Variants in NRXN1 observed in about 807,000 individuals in gnomAD.
NRXN1 encodes neurexin-1.
NRXN1 carries 39 observed loss-of-function variants against 150.9 expected under a neutral mutation model. The ratio of observed to expected loss-of-function variants is 0.26; its 90% CI spans 0.20 to 0.34. The LOEUF (loss-of-function observed/expected upper bound fraction) is 0.34. NRXN1 is among the 10% of genes least tolerant of loss of function. The pLI, the probability that NRXN1 is intolerant of heterozygous loss-of-function variation, is 1.00. For synonymous variants in NRXN1, 924 were observed against 757.0 expected, an observed-to-expected ratio of 1.22 and a Z score of -3.62; for missense variants, 1,815 against 1,949.9, an observed-to-expected ratio of 0.93 and a Z score of 1.30.
chr2:50,507,469 C>T (rs1328594030), intron 12 of NRXN1, among the ~76,000 whole-genome samples: 1 of 151,726 alleles, frequency 6.6e-6, no homozygotes, highest in African/African-American at 2.4e-5. Context: ...AAGGGATTAC[C>T]AGTGGGCATC....
chr2:50,850,681 A>G (rs1674387865), intron 5 of NRXN1, among the ~76,000 whole-genome samples: 1 of 152,116 alleles, frequency 6.6e-6, no homozygotes, highest in Non-Finnish European at 1.5e-5. Flanking sequence ...GCCATTTATT[A>G]TTTGGTAAGT....
chr2:50,590,975 A>C (rs1674083987), intron 8 of NRXN1, among the ~76,000 whole-genome samples: 1 of 152,106 alleles, frequency 6.6e-6, no homozygotes, highest in South Asian at 2.1e-4. Context: ...TATGTTCCAA[A>C]CACAGTCTCC....
chr2:50,956,030 G>A (rs1053157256), intron 2 of NRXN1, among the ~76,000 whole-genome samples: 2 of 152,124 alleles, frequency 1.3e-5, no homozygotes, highest in African/African-American at 4.8e-5. Context: ...AGATCCTCTT[G>A]AGGTATGATT....
intron 17 of NRXN1, among the ~76,000 whole-genome samples, chr2:50,350,433 T>C (rs2078327468): frequency 2.0e-5 from 3 of 152,236 alleles, no homozygotes; most frequent in Middle Eastern, 3.4e-3. Context: ...GTTTACAGTG[T>C]GAGAGCTGAA....
intron 2 of NRXN1, among the ~76,000 whole-genome samples, chr2:50,960,274 TAAC>T (rs997085883): frequency 6.6e-6 from 1 of 151,758 alleles, no homozygotes; most frequent in Non-Finnish European, 1.5e-5. Flanking sequence ...TCAAAGGACT[TAAC>T]AACTTTTTCC....
intron 21 of NRXN1, among the ~76,000 whole-genome samples, chr2:50,006,119 C>G (rs896371894): frequency 2.0e-5 from 3 of 152,074 alleles, no homozygotes; most frequent in Non-Finnish European, 4.4e-5. Flanking sequence ...CAGCTTGTTC[C>G]CTTTCTCTTT....
intron 5 of NRXN1, among the ~76,000 whole-genome samples, chr2:50,694,436 C>T (rs1692525988): frequency 6.6e-6 from 1 of 152,116 alleles, no homozygotes; most frequent in Non-Finnish European, 1.5e-5. Context: ...CTATAAAAAA[C>T]ATTTGATGTA....
chr2:50,342,537 G>T (rs2152993925), intron 17 of NRXN1, among the ~76,000 whole-genome samples: 1 of 152,210 alleles, frequency 6.6e-6, no homozygotes, highest in African/African-American at 2.4e-5. Context: ...AAGAGTAAAG[G>T]GATTACTCTA....
intron 5 of NRXN1, among the ~76,000 whole-genome samples, chr2:50,808,052 TA>T (rs1356199533): frequency 1.3e-5 from 2 of 152,146 alleles, no homozygotes; most frequent in African/African-American, 4.8e-5. Flanking sequence ...TGTTAACCCT[TA>T]TTGTGCCTTA....
chr2:50,834,588 C>T (rs1671850506), intron 5 of NRXN1, among the ~76,000 whole-genome samples: 2 of 152,222 alleles, frequency 1.3e-5, no homozygotes, highest in Non-Finnish European at 2.9e-5. Context: ...TACGTGATCT[C>T]AGAAAATCTG....
chr2:50,475,518 C>T (rs1341976970), intron 15 of NRXN1, among the ~76,000 whole-genome samples: 3 of 152,114 alleles, frequency 2.0e-5, no homozygotes, highest in African/African-American at 7.2e-5. Context: ...AACTTACTTG[C>T]CTGACAACAT....
intron 22 of NRXN1, among the ~76,000 whole-genome samples, chr2:49,942,614 TTTATTA>T (rs1553398764): frequency 6.7e-6 from 1 of 148,928 alleles, no homozygotes; most frequent in Non-Finnish European, 1.5e-5. Flanking sequence ...TTATTATTAT[TTTATTA>T]TTATTTTGAG....
intron 17 of NRXN1, among the ~76,000 whole-genome samples, chr2:50,324,550 T>C (rs573610337): frequency 8.5e-5 from 13 of 152,304 alleles, no homozygotes; most frequent in African/African-American, 3.1e-4. Context: ...ATTTTATTTG[T>C]TTATTTATTT....
intron 22 of NRXN1, among the ~76,000 whole-genome samples, chr2:49,931,459 T>C (rs746879650): frequency 2.0e-5 from 3 of 152,112 alleles, no homozygotes; most frequent in Non-Finnish European, 4.4e-5. Context: ...GGATGCCTTA[T>C]TTACATCAAC....
At chr2:50,268,646 T>TCA (rs1308771084) in intron 17 of NRXN1, among the ~76,000 whole-genome samples, 1 of 152,182 alleles carries the variant, frequency 6.6e-6, no homozygotes, top group Non-Finnish European at 1.5e-5. Context: ...ATAGCACACA[T>TCA]CACCCAGACA....
chr2:50,418,696 G>A (rs879749878), intron 17 of NRXN1, among the ~76,000 whole-genome samples: 1 of 151,920 alleles, frequency 6.6e-6, no homozygotes, highest in East Asian at 1.9e-4. Context: ...GGGATCAAGG[G>A]AAATACAAAA....
chr2:49,936,359 G>C (rs958462473), intron 22 of NRXN1, among the ~76,000 whole-genome samples: 1 of 152,094 alleles, frequency 6.6e-6, no homozygotes, highest in Non-Finnish European at 1.5e-5. Flanking sequence ...GCAGAATAAT[G>C]CCTCCATTGG....
intron 2 of NRXN1, among the ~76,000 whole-genome samples, chr2:50,944,849 T>C (rs1388637179): frequency 6.6e-6 from 1 of 152,200 alleles, no homozygotes; most frequent in Non-Finnish European, 1.5e-5. Context: ...TAGCACTGTG[T>C]GTGCTAAAAT....
At chr2:50,698,946 C>A (rs748036206) in intron 5 of NRXN1, among the ~76,000 whole-genome samples, 4 of 152,138 alleles carry the variant, frequency 2.6e-5, no homozygotes, top group Non-Finnish European at 4.4e-5. Flanking sequence ...ACAAAAAGTT[C>A]TCTCTATATA....
Sources: gnomAD v4.1 joint callset for allele counts (sites outside exome capture counted in the v4.1 genomes callset) on GRCh38, gnomAD v4.1.1 for gene constraint, MANE v1.5 for transcripts, NCBI Gene and HGNC (gene_info 2026-07-23, HGNC 2026-07-21) for gene names.